Variants in FOXP2 observed in about 807,000 individuals in gnomAD.
FOXP2 encodes the protein forkhead box P2, also known as forkhead box protein P2.
FOXP2 carries 12 observed loss-of-function variants against 115.8 expected under a neutral mutation model. That is an observed-to-expected ratio of 0.10 (90% CI 0.07 to 0.17). The LOEUF (loss-of-function observed/expected upper bound fraction) is 0.17, where lower values mean the gene tolerates loss of function less well. Among genes scored for constraint, FOXP2 ranks in the 10% least tolerant of loss-of-function variants. The pLI is 1.00. For synonymous variants in FOXP2, 328 were observed against 297.7 expected, an observed-to-expected ratio of 1.10 and a Z score of -1.05; for missense variants, 629 against 843.5, an observed-to-expected ratio of 0.75 and a Z score of 3.15.
intron 2 of FOXP2, among the ~76,000 whole-genome samples, chr7:114,442,657 T>C (rs570111694): frequency 1.3e-5 from 2 of 152,186 alleles, no homozygotes; most frequent in Admixed American, 1.3e-4. Flanking sequence ...TTTCACCGTG[T>C]TGCTGAGGTT....
chr7:114,673,357 A>AT (rs1807595677), intron 16 of FOXP2, among the ~76,000 whole-genome samples: 1 of 152,232 alleles, frequency 6.6e-6, no homozygotes, highest in Admixed American at 6.5e-5. Flanking sequence ...CTTATCAATG[A>AT]TGAAAGTAAT....
chr7:114,578,625 CT>C (rs1300743964), intron 3 of FOXP2, among the ~76,000 whole-genome samples: 4 of 152,138 alleles, frequency 2.6e-5, no homozygotes. Flanking sequence ...GGAAATCACT[CT>C]GTTTTTCCAA....
intron 1 of FOXP2, among the ~76,000 whole-genome samples, chr7:114,217,788 A>G (rs1355932270): frequency 6.6e-6 from 1 of 152,216 alleles, no homozygotes; most frequent in African/African-American, 2.4e-5. Flanking sequence ...GAGTATTCTC[A>G]GTTATTTCCA....
At chr7:114,537,103 G>C (rs1023714911) in intron 3 of FOXP2, among the ~76,000 whole-genome samples, 3 of 151,152 alleles carry the variant, frequency 2.0e-5, no homozygotes, top group Non-Finnish European at 4.4e-5. Context: ...TTTTAAAAAG[G>C]GTACGATGTT....
At chr7:114,157,087 G>T (rs967573462) in intron 1 of FOXP2, among the ~76,000 whole-genome samples, 1 of 152,072 alleles carries the variant, frequency 6.6e-6, no homozygotes. Context: ...TAACATAACT[G>T]TCTTTGAGTT....
chr7:114,269,172 G>C (rs558904537), intron 1 of FOXP2, among the ~76,000 whole-genome samples: 1 of 152,142 alleles, frequency 6.6e-6, no homozygotes, highest in East Asian at 1.9e-4. Flanking sequence ...TAGAGTTTAG[G>C]GTCCTCATGA....
intron 2 of FOXP2, among the ~76,000 whole-genome samples, chr7:114,371,092 T>TTTTA (rs936009115): frequency 3.9e-5 from 6 of 152,204 alleles, no homozygotes; most frequent in Admixed American, 2.0e-4. Context: ...GAATACTCCT[T>TTTTA]TTTATTTATT....
intron 2 of FOXP2, among the ~76,000 whole-genome samples, chr7:114,462,425 G>A (rs1329528072): frequency 2.4e-5 from 3 of 123,632 alleles, no homozygotes; most frequent in Non-Finnish European, 3.2e-5. Flanking sequence ...AGGCTGAAGT[G>A]CATTGGCGCT....
chr7:114,228,771 A>G (rs1257854622), intron 1 of FOXP2, among the ~76,000 whole-genome samples: 2 of 151,426 alleles, frequency 1.3e-5, no homozygotes, highest in Non-Finnish European at 3.0e-5. Context: ...TAAAATGAGA[A>G]AGGAAACAAA....
intron 2 of FOXP2, among the ~76,000 whole-genome samples, chr7:114,374,177 T>C (rs978835329): frequency 6.6e-6 from 1 of 152,356 alleles, no homozygotes; most frequent in African/African-American, 2.4e-5. Flanking sequence ...CAAACACTGT[T>C]AAGTAATATT....
intron 2 of FOXP2, among the ~76,000 whole-genome samples, chr7:114,333,261 A>G (rs999397293): frequency 9.8e-5 from 15 of 152,314 alleles, no homozygotes; most frequent in Non-Finnish European, 1.8e-4. Flanking sequence ...AGAATTGTTA[A>G]CCAGCTGGTA....
At chr7:114,632,557 T>C (rs1351187891) in intron 6 of FOXP2, among the ~76,000 whole-genome samples, 1 of 152,194 alleles carries the variant, frequency 6.6e-6, no homozygotes, top group Non-Finnish European at 1.5e-5. Flanking sequence ...TCAAATTAAT[T>C]ATATTTGTCA....
chr7:114,524,027 A>T (rs1273212382), intron 2 of FOXP2, among the ~76,000 whole-genome samples: 2 of 152,174 alleles, frequency 1.3e-5, no homozygotes, highest in Non-Finnish European at 2.9e-5. Flanking sequence ...AAGTAAATTC[A>T]AATTTAACTG....
intron 1 of FOXP2, among the ~76,000 whole-genome samples, chr7:114,239,649 G>T (rs1795101416): frequency 6.6e-6 from 1 of 152,078 alleles, no homozygotes; most frequent in South Asian, 2.1e-4. Flanking sequence ...TATGAGAATT[G>T]CCTACTTAGA....
intron 1 of FOXP2, among the ~76,000 whole-genome samples, chr7:114,108,776 G>A (rs1791188767): frequency 6.6e-6 from 1 of 151,820 alleles, no homozygotes; most frequent in Non-Finnish European, 1.5e-5. Flanking sequence ...GTTTCTCACA[G>A]ATCAGCTTTA....
At chr7:114,501,811 T>A (rs1044421301) in intron 2 of FOXP2, among the ~76,000 whole-genome samples, 1 of 152,118 alleles carries the variant, frequency 6.6e-6, no homozygotes, top group African/African-American at 2.4e-5. Context: ...ATCTTTTAAC[T>A]TAAAATCTTG....
At chr7:114,365,431 G>T (rs1048894847) in intron 2 of FOXP2, among the ~76,000 whole-genome samples, 1 of 152,002 alleles carries the variant, frequency 6.6e-6, no homozygotes, top group Admixed American at 6.6e-5. Context: ...TCATGATTTT[G>T]ATTCTAATAC....
intron 1 of FOXP2, among the ~76,000 whole-genome samples, chr7:114,199,382 A>G (rs1793998885): frequency 2.0e-5 from 3 of 152,132 alleles, no homozygotes; most frequent in South Asian, 4.1e-4. Flanking sequence ...AAAATAATAT[A>G]AAATAAATAC....
intron 2 of FOXP2, among the ~76,000 whole-genome samples, chr7:114,377,882 T>C (rs76747134): frequency 0.048 from 7,355 of 152,300 alleles, 660 homozygotes; most frequent in East Asian, 0.32. Flanking sequence ...ATTCCACACA[T>C]CAACCACAAG....
Sources: allele counts gnomAD v4.1 joint callset (sites outside exome capture counted in the v4.1 genomes callset), GRCh38; gene constraint gnomAD v4.1.1; transcripts MANE v1.5; gene names NCBI Gene and HGNC (gene_info 2026-07-23, HGNC 2026-07-21).